The following TBL1XR1 variants were observed in gnomAD, a reference collection of about 807,000 sequenced individuals.
TBL1XR1 encodes F-box-like/WD repeat-containing protein TBL1XR1.
A neutral mutation model predicts 66.9 loss-of-function variants in TBL1XR1; 5 were observed. The ratio of observed to expected loss-of-function variants is 0.07; its 90% CI spans 0.04 to 0.16. The LOEUF (loss-of-function observed/expected upper bound fraction) is 0.16, where lower values mean the gene tolerates loss of function less well. Ranked by LOEUF, TBL1XR1 falls within the 10% of genes least tolerant of loss-of-function variation. TBL1XR1 has a pLI of 1.00. For missense variants in TBL1XR1, 238 were observed against 623.2 expected, an observed-to-expected ratio of 0.38 and a Z score of 6.58; for synonymous variants, 210 against 206.0, an observed-to-expected ratio of 1.02 and a Z score of -0.17.
chr3:177,166,012 C>A (rs561150828), intron 1 of TBL1XR1, among the ~76,000 whole-genome samples: 2 of 152,210 alleles, frequency 1.3e-5, no homozygotes, highest in South Asian at 2.1e-4. Context: ...ATTGCTTGAG[C>A]CTGGGAGGCG....
intron 2 of TBL1XR1, among the ~76,000 whole-genome samples, chr3:177,067,353 T>C (rs1400760939): frequency 6.6e-6 from 1 of 152,142 alleles, no homozygotes; most frequent in Non-Finnish European, 1.5e-5. Flanking sequence ...AACAGTAAAT[T>C]TTCTTTTCCC....
chr3:177,025,021 A>C lies in TBL1XR1; in HGVS notation c.*477T>G, dbSNP rs1712907453. The C allele has an allele frequency of 6.4e-6, 1 of 155,762 alleles. No homozygotes were observed. Among genetic ancestry groups the C allele is most frequent in the South Asian group, 2.1e-4 (1 of 4,858 alleles). 9.6% of individuals were successfully genotyped at this position (155,762 alleles called of 1,614,324 possible). ...CATCCATAATCTAAACCAAAAACGAAATTTTAAAGCAAGAACAAACTACTG... is the reference window on the plus strand; with the variant it reads ...CATCCATAATCTAAACCAAAAACGACATTTTAAAGCAAGAACAAACTACTG... On this transcript the variant is annotated 3_prime_UTR_variant, in exon 16 of 16. Coordinates refer to ENST00000457928, the MANE Select transcript of TBL1XR1 (RefSeq NM_024665.7).
At chr3:177,057,719 G>A (rs1717983174) in intron 3 of TBL1XR1, among the ~76,000 whole-genome samples, 2 of 152,058 alleles carry the variant, frequency 1.3e-5, no homozygotes, top group South Asian at 4.1e-4. Flanking sequence ...TTAAAATCCG[G>A]CATGACCATC....
chr3:177,125,923 ATTTCT>A (rs1727563005), intron 1 of TBL1XR1: 1 of 152,134 alleles, frequency 6.6e-6, no homozygotes, highest in African/African-American at 2.4e-5. Flanking sequence ...CAGATACCAC[ATTTCT>A]TTTGTTTTTA....
rs931393193 is a variant in TBL1XR1 at position 177,066,273 on chromosome 3, G to A, written c.-45-1251C>T. ...AGTACCACCCATCAAGCTTGTCATAGGGAGAAAGACAAATGGGAGGCAATG... is the reference window on the plus strand; with the variant it reads ...AGTACCACCCATCAAGCTTGTCATAAGGAGAAAGACAAATGGGAGGCAATG... On this transcript the variant is annotated intron_variant, in intron 2 of 15. Coordinates refer to ENST00000457928, the MANE Select transcript of TBL1XR1 (RefSeq NM_024665.7). 2.0e-5 allele frequency among the ~76,000 whole-genome samples: 3 copies of A among 152,234 alleles called. No homozygotes were observed. The South Asian group carries it at 6.2e-4, about 32-fold the overall frequency.
intron 1 of TBL1XR1, among the ~76,000 whole-genome samples, chr3:177,174,143 G>C (rs1054061610): frequency 6.6e-6 from 1 of 152,042 alleles, no homozygotes; most frequent in Admixed American, 6.6e-5. Context: ...GCCGGGTGCG[G>C]TGGCTCACGC....
intron 10 of TBL1XR1, chr3:177,041,019 A>G (rs1715508077): frequency 6.6e-6 from 1 of 152,216 alleles, no homozygotes; most frequent in African/African-American, 2.4e-5. Flanking sequence ...CTTTTATACA[A>G]AATTTCAAAT....
At chr3:177,100,025 C>A (rs573970806) in intron 1 of TBL1XR1, among the ~76,000 whole-genome samples, 48 of 152,288 alleles carry the variant, frequency 3.2e-4, no homozygotes, top group African/African-American at 1.1e-3. Flanking sequence ...GCCGCTTGAG[C>A]TCAGGAGTTC....
intron 1 of TBL1XR1, among the ~76,000 whole-genome samples, chr3:177,155,773 C>T (rs1202196677): frequency 1.3e-5 from 2 of 152,076 alleles, no homozygotes; most frequent in Non-Finnish European, 2.9e-5. Context: ...CCGTGCACTC[C>T]GGGAAGAGGG....
chr3:177,131,255 A>AAC (rs1256029988), intron 1 of TBL1XR1: 2 of 738,864 alleles, frequency 2.7e-6, no homozygotes, highest in African/African-American at 3.8e-5. Flanking sequence ...GACACATAGC[A>AAC]ACACACACAA....
At chr3:177,048,166 A>G (rs1434030072) in intron 7 of TBL1XR1, among the ~76,000 whole-genome samples, 1 of 152,202 alleles carries the variant, frequency 6.6e-6, no homozygotes, top group African/African-American at 2.4e-5. Flanking sequence ...TTTATAGTTA[A>G]TGAAGTAAGT....
chr3:177,048,404 G>C (rs1577020388), intron 7 of TBL1XR1, among the ~76,000 whole-genome samples: 1 of 152,138 alleles, frequency 6.6e-6, no homozygotes, highest in Non-Finnish European at 1.5e-5. Flanking sequence ...ATGGTTTTTG[G>C]TAAGGGCATT....
At chr3:177,175,302 G>C (rs1284050810) in intron 1 of TBL1XR1, among the ~76,000 whole-genome samples, 2 of 152,026 alleles carry the variant, frequency 1.3e-5, no homozygotes, top group African/African-American at 4.8e-5. Flanking sequence ...TGAAAATAAA[G>C]ATATTAAAGG....
At chr3:177,090,517 T>TAAAAAAAA (rs768136243) in intron 2 of TBL1XR1, among the ~76,000 whole-genome samples, 3 of 102,438 alleles carry the variant, frequency 2.9e-5, no homozygotes, top group Admixed American at 1.1e-4. Context: ...CTGTCTCTAC[T>TAAAAAAAA]AAAAAAAAAA....
chr3:177,131,407 C>A (rs1184293774), intron 1 of TBL1XR1: 1 of 985,068 alleles, frequency 1.0e-6, no homozygotes, highest in Non-Finnish European at 1.2e-6. Flanking sequence ...GAGCTCAATA[C>A]TGCATAAAGT....
chr3:177,165,498 G>A (rs1015471007), intron 1 of TBL1XR1, among the ~76,000 whole-genome samples: 1 of 152,212 alleles, frequency 6.6e-6, no homozygotes, highest in East Asian at 1.9e-4. Context: ...TAAGTCTTAA[G>A]TTTATATGAA....
chr3:177,136,650 T>C (rs1435094737), intron 1 of TBL1XR1, among the ~76,000 whole-genome samples: 2 of 152,306 alleles, frequency 1.3e-5, no homozygotes, highest in South Asian at 4.1e-4. Context: ...CATAATGTCC[T>C]ACATTATCAA....
chr3:177,095,385 C>T lies in TBL1XR1; in HGVS notation c.-46+3081G>A, dbSNP rs1723344261. Among the ~76,000 whole-genome samples, 3 of 152,116 alleles carry T rather than the reference C, an allele frequency of 2.0e-5. No homozygotes were observed. The South Asian group carries it at 6.2e-4, about 32-fold the overall frequency. The stretch of plus-strand genomic sequence containing the variant: ...AAAAAGTCAAAATAATAATATACAC[C>T]TGCTGGCCAATGGGTCCTACTAATG... On this transcript the variant is annotated intron_variant, in intron 2 of 15. Coordinates refer to ENST00000457928, the MANE Select transcript of TBL1XR1 (RefSeq NM_024665.7).
chr3:177,144,856 A>C (rs1730063057), intron 1 of TBL1XR1, among the ~76,000 whole-genome samples: 1 of 152,268 alleles, frequency 6.6e-6, no homozygotes, highest in Admixed American at 6.5e-5. Context: ...TTTGAATTTC[A>C]TGTAATTTTT....
Sources: allele counts gnomAD v4.1 joint callset (sites outside exome capture counted in the v4.1 genomes callset), GRCh38; gene constraint gnomAD v4.1.1; transcripts MANE v1.5; gene names NCBI Gene and HGNC (gene_info 2026-07-23, HGNC 2026-07-21).